The following SMPDL3B variants were observed in gnomAD, a reference collection of about 807,000 sequenced individuals.
SMPDL3B encodes the protein acid sphingomyelinase-like phosphodiesterase 3b.
In SMPDL3B, 31 loss-of-function variants were observed where a neutral mutation model predicts 37.9. That is an observed-to-expected ratio of 0.82 (90% CI 0.61 to 1.10). SMPDL3B has a LOEUF of 1.10. Among genes scored for constraint, SMPDL3B ranks in the 50% least tolerant of loss-of-function variants. The pLI, the probability that SMPDL3B is intolerant of heterozygous loss-of-function variation, is 0.00. For synonymous variants in SMPDL3B, 235 were observed against 242.6 expected (o/e 0.97, Z 0.29); for missense variants, 525 against 597.8 (o/e 0.88, Z 1.27).
chr1:27,936,506 A>G (rs1436604526), intron 1 of SMPDL3B: 1 of 152,066 alleles, frequency 6.6e-6, no homozygotes, highest in Non-Finnish European at 1.5e-5. Context: ...CCTCTGAAGT[A>G]GGTGCTAATA....
rs1638363502 is a variant in SMPDL3B at position 27,958,501 on chromosome 1, T to C, written c.1031T>C (p.Leu344Pro). 1.2e-6 allele frequency: 2 copies of C among 1,608,786 alleles called. No individual in the cohort carries two copies. The highest frequency in any genetic ancestry group is 2.7e-5 in the African/African-American group (2 of 74,960). The change falls in exon 8 of 8, where the codon CTG (leucine) becomes CCG (proline). Residue 344 changes from leucine (L) to proline (P), a missense_variant. Coordinates refer to ENST00000373894, the MANE Select transcript of SMPDL3B (RefSeq NM_014474.4). This position sits in a 1 kb window ranked among gnomAD's most constrained non-coding sequence, Gnocchi z 5.6. ...GACATGGTGACCTACTTCATGAACC[T>C]GAGCCAGGCGAATGCTCAGGGGACG... The part of the protein sequence containing the change: ...LKDMVTYFMN[L>P]SQANAQGTPR...
In SMPDL3B at chr1:27,945,514, C is replaced by G. The variant is rs2090399784; in HGVS notation, c.275+69C>G. 8.0e-7 allele frequency: 1 copy of G among 1,249,382 alleles called. No individual in the cohort carries two copies. Among genetic ancestry groups the G allele is most frequent in the Non-Finnish European group, 1.2e-6 (1 of 860,158 alleles). 77.4% of individuals were successfully genotyped at this position (1,249,382 alleles called of 1,614,324 possible). On this transcript the variant is annotated intron_variant, in intron 2 of 7. Transcript: ENST00000373894. This position sits in a 1 kb window ranked among gnomAD's most constrained non-coding sequence, Gnocchi z 4.0. Reference sequence around the variant, plus strand: ...CTATGTGCTACATACCAGTCTGGCCCTTTGCCCACATTATCTCCCTTAATC... The same window carrying G: ...CTATGTGCTACATACCAGTCTGGCCGTTTGCCCACATTATCTCCCTTAATC...
intron 2 of SMPDL3B, 195 bp from the exon 3 acceptor site, chr1:27,948,870 C>A: frequency 1.0e-6 from 1 of 956,118 alleles, no homozygotes; most frequent in Non-Finnish European, 1.6e-6. Context: ...ATCAAGGGAC[C>A]CACAGCAGGA....
intron 1 of SMPDL3B, among the ~76,000 whole-genome samples, chr1:27,943,852 A>G (rs893240007): frequency 7.1e-6 from 1 of 140,228 alleles, no homozygotes; most frequent in African/African-American, 2.6e-5. Flanking sequence ...ATACAAATAC[A>G]AAAAAAAAAA....
intron 7 of SMPDL3B, chr1:27,956,435 G>A: frequency 7.9e-7 from 1 of 1,268,344 alleles, no homozygotes; most frequent in Non-Finnish European, 1.0e-6. Context: ...ACCTTCAGTG[G>A]CTCCCCAGTG....
chr1:27,952,706 A>T (rs111525779), intron 3 of SMPDL3B, among the ~76,000 whole-genome samples: 273 of 152,272 alleles, frequency 1.8e-3, no homozygotes, highest in African/African-American at 6.2e-3. Flanking sequence ...TGTCAACCCT[A>T]TTGAACTGCA....
At chr1:27,937,290 G>A (rs774899875) in intron 1 of SMPDL3B, among the ~76,000 whole-genome samples, 5 of 152,348 alleles carry the variant, frequency 3.3e-5, no homozygotes, top group Admixed American at 3.3e-4. Flanking sequence ...TAACTGCAGA[G>A]AAGCAGACAG....
chr1:27,955,302 G>A (rs1431120527), intron 5 of SMPDL3B, among the ~76,000 whole-genome samples: 1 of 152,200 alleles, frequency 6.6e-6, no homozygotes, highest in East Asian at 1.9e-4. Context: ...TGTAAGAAAC[G>A]AATGCACATT....
intron 3 of SMPDL3B, among the ~76,000 whole-genome samples, chr1:27,952,388 C>T (rs1337860147): frequency 6.6e-6 from 1 of 152,214 alleles, no homozygotes; most frequent in Non-Finnish European, 1.5e-5. Context: ...TTCCAGGTCA[C>T]TCCCTGTGAT....
At chr1:27,949,258 C>G in intron 3 of SMPDL3B, 96 bp downstream of exon 3, 1 of 1,296,624 alleles carries the variant, frequency 7.7e-7, no homozygotes, top group South Asian at 1.2e-5. Context: ...TCCTGGCTGA[C>G]CTTCATCCAT....
chr1:27,943,410 T>A (rs1571650744), intron 1 of SMPDL3B, among the ~76,000 whole-genome samples: 1 of 151,394 alleles, frequency 6.6e-6, no homozygotes, highest in African/African-American at 2.4e-5. Flanking sequence ...AGTCAAGGAG[T>A]GAGGGTCAGG....
intron 5 of SMPDL3B, 34 bp downstream of exon 5, chr1:27,954,560 G>A (rs755654486): frequency 1.2e-6 from 2 of 1,602,988 alleles, no homozygotes; most frequent in East Asian, 4.5e-5. Context: ...TTCTCATCTG[G>A]GGTTATTTCC....
chr1:27,943,176 A>AT (rs2090375023), intron 1 of SMPDL3B, among the ~76,000 whole-genome samples: 1 of 152,190 alleles, frequency 6.6e-6, no homozygotes, highest in African/African-American at 2.4e-5. Context: ...ATCATTTACC[A>AT]TGTGATCTTA....
rs1246574182 is a variant in SMPDL3B, at chr1:27,958,485, A to G, written c.1015A>G (p.Thr339Ala). 6.2e-7 allele frequency: 1 copy of G among 1,600,850 alleles called. No individual in the cohort carries two copies. Among genetic ancestry groups the G allele is most frequent in the Admixed American group, 1.7e-5 (1 of 59,728 alleles). The change falls in exon 8 of 8, where the codon ACC becomes GCC. Residue 339 changes from threonine (T) to alanine (A), a missense_variant. Transcript: ENST00000373894. This position sits in a 1 kb window ranked among gnomAD's most constrained non-coding sequence, Gnocchi z 5.6. Reference protein sequence around the residue: ...RATLSLKDMVTYFMNLSQANA... With the variant: ...RATLSLKDMVAYFMNLSQANA... The stretch of plus-strand genomic sequence containing the variant: ...CAAACCCTTTTTCCAGGACATGGTG[A>G]CCTACTTCATGAACCTGAGCCAGGC...
rs181910897 is a variant in SMPDL3B, at chr1:27,937,000, G to T, written c.61+1756G>T. Among the ~76,000 whole-genome samples, 877 of 149,922 alleles carry T rather than the reference G, an allele frequency of 5.8e-3. 13 individuals carry two copies. The highest frequency in any genetic ancestry group is 0.037 in the South Asian group (172 of 4,632). ...TGCACCACTGCACTCCAGCCTGGGC[G>T]ACAGAGTGAGGCTCCGTCTCAAAAA... On this transcript the variant is annotated intron_variant, in intron 1 of 7. Coordinates refer to ENST00000373894, the MANE Select transcript of SMPDL3B (RefSeq NM_014474.4).
rs147238940 is a variant in SMPDL3B at position 27,942,903 on chromosome 1, C to G, written c.62-2329C>G. On this transcript the variant is annotated intron_variant, in intron 1 of 7. Transcript: ENST00000373894. ...TCTTGAACTCCTGGCCTCAAGCAAT[C>G]TTCCTGCCTTAACCTCCCAAAGTGC... 1.3e-3 allele frequency among the ~76,000 whole-genome samples: 202 copies of G among 151,902 alleles called. 2 individuals are homozygous for G. Among genetic ancestry groups the G allele is most frequent in the African/African-American group, 4.8e-3 (197 of 41,372 alleles).
At chr1:27,957,386 T>C (rs1638320476) in intron 7 of SMPDL3B, among the ~76,000 whole-genome samples, 1 of 152,014 alleles carries the variant, frequency 6.6e-6, no homozygotes, top group Non-Finnish European at 1.5e-5. Flanking sequence ...TGTGCAACGG[T>C]AGGCTGTGGC....
chr1:27,952,813 TC>T (rs1481418992), intron 3 of SMPDL3B, among the ~76,000 whole-genome samples: 4 of 152,160 alleles, frequency 2.6e-5, no homozygotes, highest in Non-Finnish European at 5.9e-5. Context: ...TGAGTGAAAC[TC>T]CTAAGGCCTC....
intron 2 of SMPDL3B, among the ~76,000 whole-genome samples, chr1:27,947,196 C>T (rs1394889098): frequency 6.6e-6 from 1 of 152,048 alleles, no homozygotes; most frequent in Non-Finnish European, 1.5e-5. Flanking sequence ...GCCACCACGC[C>T]CGGCTAATTT....
Sources: allele counts gnomAD v4.1 joint callset (sites outside exome capture counted in the v4.1 genomes callset), GRCh38; gene constraint gnomAD v4.1.1; non-coding constraint Gnocchi (gnomAD v3.1); transcripts MANE v1.5; gene names NCBI Gene and HGNC (gene_info 2026-07-23, HGNC 2026-07-21).